Variants in STAU2 observed in about 807,000 individuals in gnomAD.
STAU2 encodes double-stranded RNA-binding protein Staufen homolog 2.
In STAU2, 20 loss-of-function variants were observed where a neutral mutation model predicts 65.9. That is an observed-to-expected ratio of 0.30 (90% CI 0.21 to 0.44). The LOEUF (loss-of-function observed/expected upper bound fraction) is 0.44, where lower values mean the gene tolerates loss of function less well. STAU2 is among the 20% of genes least tolerant of loss of function. The pLI, the probability that STAU2 is intolerant of heterozygous loss-of-function variation, is 1.00. For synonymous variants in STAU2, 232 were observed against 233.9 expected (o/e 0.99, Z 0.07); for missense variants, 558 against 683.9 (o/e 0.82, Z 2.05).
At chr8:73,569,712 C>G (rs752815507) in intron 12 of STAU2, among the ~76,000 whole-genome samples, 2 of 152,140 alleles carry the variant, frequency 1.3e-5, no homozygotes, top group Admixed American at 6.5e-5. Flanking sequence ...TGGAGTGGAC[C>G]TCCAGCAAAC....
At chr8:73,470,748 G>A (rs1819948382) in intron 13 of STAU2, among the ~76,000 whole-genome samples, 1 of 152,078 alleles carries the variant, frequency 6.6e-6, no homozygotes, top group Admixed American at 6.5e-5. Context: ...TGGCTGCAAT[G>A]AGCTATGATT....
chr8:73,602,773 T>C (rs973343196), intron 10 of STAU2, among the ~76,000 whole-genome samples: 9 of 142,126 alleles, frequency 6.3e-5, no homozygotes, highest in Non-Finnish European at 7.8e-5. Flanking sequence ...TTGGGGAAAA[T>C]AATAATTTAA....
intron 12 of STAU2, among the ~76,000 whole-genome samples, chr8:73,567,759 A>T: frequency 6.6e-6 from 1 of 151,952 alleles, no homozygotes; most frequent in East Asian, 2.0e-4. Flanking sequence ...CGTGTTGGCC[A>T]GGCTGGTCTC....
intron 13 of STAU2, among the ~76,000 whole-genome samples, chr8:73,544,655 T>C (rs1234403879): frequency 6.6e-6 from 1 of 152,212 alleles, no homozygotes; most frequent in East Asian, 1.9e-4. Context: ...TCTTCCCTAA[T>C]TCCTTCAGCC....
At chr8:73,427,623 G>A (rs988336418) in intron 13 of STAU2, among the ~76,000 whole-genome samples, 6 of 152,370 alleles carry the variant, frequency 3.9e-5, no homozygotes, top group African/African-American at 1.4e-4. Flanking sequence ...GCTGAGGGCA[G>A]TGCATGTGCC....
intron 13 of STAU2, chr8:73,550,008 C>A: frequency 1.0e-6 from 1 of 985,608 alleles, no homozygotes; most frequent in African/African-American, 1.7e-5. Flanking sequence ...CCTTCTGCTG[C>A]GACATTATGA....
intron 4 of STAU2, among the ~76,000 whole-genome samples, chr8:73,708,048 G>T (rs535654203): frequency 6.6e-6 from 1 of 152,290 alleles, no homozygotes; most frequent in Admixed American, 6.5e-5. Flanking sequence ...AGAGAGTCAG[G>T]ACATATAGCT....
At chr8:73,474,037 G>T (rs1257384274) in intron 13 of STAU2, among the ~76,000 whole-genome samples, 1 of 152,106 alleles carries the variant, frequency 6.6e-6, no homozygotes, top group African/African-American at 2.4e-5. Context: ...ACCTCAGAGA[G>T]TTGCTAAGAC....
intron 11 of STAU2, among the ~76,000 whole-genome samples, chr8:73,587,030 C>G (rs1334084313): frequency 6.6e-6 from 1 of 152,028 alleles, no homozygotes; most frequent in Non-Finnish European, 1.5e-5. Flanking sequence ...ATCAAATACA[C>G]ATATAAAATA....
chr8:73,674,604 T>C (rs992029671), intron 5 of STAU2, among the ~76,000 whole-genome samples: 2 of 151,650 alleles, frequency 1.3e-5, no homozygotes, highest in African/African-American at 4.8e-5. Context: ...CTAAAGATTT[T>C]TTTAAACCCT....
Position 73,604,011 on chromosome 8 carries a change from G to T in STAU2, c.892-148C>A, listed in dbSNP as rs372388957. The stretch of plus-strand genomic sequence containing the variant: ...TGAGTCATTTATGAATATTTATAAA[G>T]GAAAATCATAAAATAGACCTGTAAC... On this transcript the variant is annotated intron_variant, in intron 9 of 14. Coordinates refer to ENST00000524300, the MANE Select transcript of STAU2 (RefSeq NM_001164380.2). The T allele has an allele frequency of 3.8e-4, 356 of 944,812 alleles. 5 individuals carry two copies. In the South Asian group the frequency reaches 7.3e-3, roughly 19 times the overall value. The allele number at this position is 944,812 out of a possible 1,614,324, so 58.5% of individuals were successfully genotyped here.
intron 3 of STAU2, among the ~76,000 whole-genome samples, chr8:73,716,393 G>GT (rs1339747154): frequency 6.6e-6 from 1 of 152,104 alleles, no homozygotes; most frequent in African/African-American, 2.4e-5. Flanking sequence ...CCCGGCCAGA[G>GT]TAAGTTCTTT....
intron 6 of STAU2, among the ~76,000 whole-genome samples, chr8:73,671,719 T>C (rs1019446351): frequency 2.0e-5 from 3 of 152,172 alleles, no homozygotes; most frequent in Admixed American, 6.6e-5. Flanking sequence ...TGAAGCATTA[T>C]GTAGCCATCA....
Position 73,470,815 on chromosome 8 carries a change from T to A in STAU2, c.1531-48113A>T, listed in dbSNP as rs72659454. On this transcript the variant is annotated intron_variant, in intron 13 of 14. Transcript: ENST00000524300. Reference sequence around the variant, plus strand: ...TGAGATCCTGCCTCTAAAAAAAAAATTTTTTTTTAAATAATAGAGATAGTG... The same window carrying A: ...TGAGATCCTGCCTCTAAAAAAAAAAATTTTTTTTAAATAATAGAGATAGTG... Among the ~76,000 whole-genome samples, 41 of 74,876 alleles carry A rather than the reference T, an allele frequency of 5.5e-4. No individual in the cohort carries two copies. In the East Asian group the frequency reaches 0.021, roughly 38 times the overall value. 49.1% of individuals were successfully genotyped at this position (74,876 alleles called of 152,430 possible).
intron 14 of STAU2, 31 bp downstream of exon 14, chr8:73,422,583 G>T: frequency 6.9e-7 from 1 of 1,455,962 alleles, no homozygotes; most frequent in Admixed American, 2.5e-5. Context: ...ACAATTAAAA[G>T]TGTAAGAATA....
intron 13 of STAU2, among the ~76,000 whole-genome samples, chr8:73,465,317 T>C (rs1328204381): frequency 6.6e-6 from 1 of 152,228 alleles, no homozygotes; most frequent in African/African-American, 2.4e-5. Context: ...TAGTAAGTAT[T>C]TAATGGCATT....
chr8:73,666,743 C>A (rs1239889670), intron 6 of STAU2, among the ~76,000 whole-genome samples: 1 of 151,726 alleles, frequency 6.6e-6, no homozygotes, highest in Non-Finnish European at 1.5e-5. Context: ...AACAAATAAA[C>A]AAACCCTTTG....
At chr8:73,692,399 T>C (rs1563510910) in intron 4 of STAU2, among the ~76,000 whole-genome samples, 2 of 151,968 alleles carry the variant, frequency 1.3e-5, no homozygotes, top group Non-Finnish European at 2.9e-5. Context: ...GGTTTCACTA[T>C]GTTGGCCAGG....
Position 73,738,497 on chromosome 8 carries a change from T to C in STAU2, c.-83-148A>G, listed in dbSNP as rs1014625197. ...ACTTTCTATGATGATAAAAATGTTC[T>C]GTACTTGCACTGTCCAATCTGGAAG... is the stretch of plus-strand genomic sequence containing the variant. On this transcript the variant is annotated intron_variant, in intron 2 of 14. Coordinates refer to ENST00000524300, the MANE Select transcript of STAU2 (RefSeq NM_001164380.2). 20 of 638,418 alleles carry C rather than the reference T, an allele frequency of 3.1e-5. No individual in the cohort carries two copies. The East Asian group carries it at 5.8e-4, about 18-fold the overall frequency. 39.5% of individuals were successfully genotyped at this position (638,418 alleles called of 1,614,324 possible). A position where few individuals can be genotyped will look rare whatever the true frequency, so the allele number is the denominator to read the frequency against.
Sources: gnomAD v4.1 joint callset for allele counts (sites outside exome capture counted in the v4.1 genomes callset) on GRCh38, gnomAD v4.1.1 for gene constraint, MANE v1.5 for transcripts, NCBI Gene and HGNC (gene_info 2026-07-23, HGNC 2026-07-21) for gene names.